Variants in RSPO2 observed in about 807,000 individuals in gnomAD.
RSPO2 encodes R-spondin 2.
In RSPO2, 14 loss-of-function variants were observed where a neutral mutation model predicts 30.9. The ratio of observed to expected loss-of-function variants is 0.45; its 90% CI spans 0.30 to 0.71. The LOEUF is 0.71. Ranked by LOEUF, RSPO2 falls within the 30% of genes least tolerant of loss-of-function variation. The probability of loss-of-function intolerance (pLI) is 0.08; values close to 1 mark genes in which losing one functional copy is unlikely to be tolerated. For missense variants in RSPO2, 264 were observed against 301.9 expected (o/e 0.87, Z 0.93); for synonymous variants, 107 against 96.4 (o/e 1.11, Z -0.64).
chr8:107,935,589 A>G (rs1328032984), intron 5 of RSPO2, among the ~76,000 whole-genome samples: 1 of 152,044 alleles, frequency 6.6e-6, no homozygotes, highest in Admixed American at 6.6e-5. Context: ...ATCATGCTCT[A>G]CCACAAAATC....
At chr8:107,975,356 T>G (rs1814169984) in intron 3 of RSPO2, among the ~76,000 whole-genome samples, 1 of 152,164 alleles carries the variant, frequency 6.6e-6, no homozygotes, top group African/African-American at 2.4e-5. Context: ...AAACTTACAG[T>G]TCAGTAACAA....
At chr8:107,984,058 G>A (rs920428656) in intron 3 of RSPO2, 1 of 539,570 alleles carries the variant, frequency 1.9e-6, no homozygotes, top group African/African-American at 1.9e-5. Context: ...ACATAGAAGG[G>A]TCATCCCGGA....
intron 3 of RSPO2, among the ~76,000 whole-genome samples, chr8:107,968,396 G>C (rs191884597): frequency 6.6e-6 from 1 of 152,194 alleles, no homozygotes; most frequent in East Asian, 1.9e-4. Context: ...AGCTAAAAAA[G>C]TAGATCTCAT....
intron 5 of RSPO2, among the ~76,000 whole-genome samples, chr8:107,949,498 G>A (rs1813174845): frequency 6.6e-6 from 1 of 152,072 alleles, no homozygotes; most frequent in Admixed American, 6.6e-5. Flanking sequence ...ATACCATGAA[G>A]TTCCAAAGGC....
chr8:107,963,380 T>A (rs1813693469), intron 3 of RSPO2, among the ~76,000 whole-genome samples: 1 of 151,626 alleles, frequency 6.6e-6, no homozygotes, highest in Non-Finnish European at 1.5e-5. Context: ...AGAAATTAGC[T>A]GGGCATGGTG....
chr8:108,046,691 T>C (rs1297857485), intron 2 of RSPO2, among the ~76,000 whole-genome samples: 1 of 152,154 alleles, frequency 6.6e-6, no homozygotes, highest in Non-Finnish European at 1.5e-5. Context: ...TTTGAAACAG[T>C]GCATGCTTCA....
rs562113009 is a variant in RSPO2 at position 107,991,416 on chromosome 8, G to A, written c.95-2172C>T. On this transcript the variant is annotated intron_variant, in intron 2 of 5. Transcript: ENST00000276659. ...AAAAATTAACTCAAGATGCATCAAA[G>A]ACTTAAAGGTAAAACCCAGAACTAT... 6.5e-4 allele frequency among the ~76,000 whole-genome samples: 99 copies of A among 152,108 alleles called. 1 individual carries two copies. The highest frequency in any genetic ancestry group is 3.4e-3 in the Middle Eastern group (1 of 294).
intron 2 of RSPO2, among the ~76,000 whole-genome samples, chr8:108,029,264 G>T (rs1811338066): frequency 6.6e-6 from 1 of 151,636 alleles, no homozygotes; most frequent in South Asian, 2.1e-4. Context: ...TTGAGGAGTT[G>T]CCACAGAGAT....
chr8:107,909,223 C>A (rs1353161776), intron 5 of RSPO2, among the ~76,000 whole-genome samples: 1 of 151,486 alleles, frequency 6.6e-6, no homozygotes, highest in Admixed American at 6.6e-5. Flanking sequence ...GTGCTCTGAG[C>A]CTAGTTCAGT....
intron 5 of RSPO2, among the ~76,000 whole-genome samples, chr8:107,951,492 T>C (rs1244361832): frequency 2.6e-5 from 4 of 152,208 alleles, no homozygotes; most frequent in Non-Finnish European, 5.9e-5. Context: ...AAAGTTGTTT[T>C]TATTTTGGAG....
intron 2 of RSPO2, among the ~76,000 whole-genome samples, chr8:108,020,262 T>C (rs1394577668): frequency 6.6e-6 from 1 of 152,196 alleles, no homozygotes; most frequent in Non-Finnish European, 1.5e-5. Context: ...TTCTCTCTTC[T>C]GCATTTTTAT....
At chr8:108,000,089 C>A (rs956666358) in intron 2 of RSPO2, among the ~76,000 whole-genome samples, 1 of 152,096 alleles carries the variant, frequency 6.6e-6, no homozygotes, top group South Asian at 2.1e-4. Context: ...TTAATAACTA[C>A]GGTTCAAGGA....
chr8:107,995,267 C>A (rs1208381295), intron 2 of RSPO2, among the ~76,000 whole-genome samples: 1 of 152,104 alleles, frequency 6.6e-6, no homozygotes, highest in Non-Finnish European at 1.5e-5. Flanking sequence ...TTCCCTAAAT[C>A]TGCAATTGTT....
intron 3 of RSPO2, chr8:107,983,698 G>A: frequency 1.3e-6 from 2 of 1,593,074 alleles, no homozygotes; most frequent in Non-Finnish European, 8.6e-7. Context: ...ATTAAGGGAA[G>A]AAAATAACAA....
chr8:107,941,901 G>A (rs1812908572), intron 5 of RSPO2, among the ~76,000 whole-genome samples: 2 of 151,878 alleles, frequency 1.3e-5, no homozygotes, highest in African/African-American at 4.8e-5. Context: ...GTTCTAGAAA[G>A]TCTCATGATT....
chr8:108,049,711 T>C (rs770815936), intron 2 of RSPO2, among the ~76,000 whole-genome samples: 2 of 151,980 alleles, frequency 1.3e-5, no homozygotes, highest in Non-Finnish European at 2.9e-5. Flanking sequence ...GGTTCATCCA[T>C]GTCCCTGCAA....
chr8:107,941,541 G>A (rs140049070), intron 5 of RSPO2, among the ~76,000 whole-genome samples: 124 of 152,108 alleles, frequency 8.2e-4, no homozygotes, highest in African/African-American at 2.7e-3. Flanking sequence ...GATAGCCCCC[G>A]GCTAGATATT....
chr8:107,950,133 C>T (rs545055093), intron 5 of RSPO2, among the ~76,000 whole-genome samples: 1 of 78,448 alleles, frequency 1.3e-5, no homozygotes, highest in East Asian at 1.7e-3. Context: ...CCTACTACCT[C>T]CCTGAACACA....
At chr8:107,918,740 C>T (rs1812058636) in intron 5 of RSPO2, among the ~76,000 whole-genome samples, 1 of 152,116 alleles carries the variant, frequency 6.6e-6, no homozygotes, top group Non-Finnish European at 1.5e-5. Context: ...ATTATTCTCG[C>T]TGCACTTTAT....
Sources: allele counts gnomAD v4.1 joint callset (sites outside exome capture counted in the v4.1 genomes callset), GRCh38; gene constraint gnomAD v4.1.1; transcripts MANE v1.5; gene names NCBI Gene and HGNC (gene_info 2026-07-23, HGNC 2026-07-21).